The following ZFHX3 variants were observed in gnomAD, a reference collection of about 807,000 sequenced individuals.
The protein encoded by ZFHX3 is zinc finger homeobox protein 3.
In ZFHX3, 42 loss-of-function variants were observed where a neutral mutation model predicts 279.1. That is an observed-to-expected ratio of 0.15 (90% CI 0.12 to 0.19). ZFHX3 has a LOEUF of 0.19. ZFHX3 is among the 10% of genes least tolerant of loss of function. The probability of loss-of-function intolerance (pLI) is 1.00; values close to 1 mark genes in which losing one functional copy is unlikely to be tolerated. For synonymous variants in ZFHX3, 2,293 were observed against 1,957.8 expected (o/e 1.17, Z -4.52); for missense variants, 4,981 against 4,754.0 (o/e 1.05, Z -1.40).
chr16:73,889,514 G>T (rs2030458582), intron 1 of ZFHX3, among the ~76,000 whole-genome samples: 1 of 152,170 alleles, frequency 6.6e-6, no homozygotes, highest in African/African-American at 2.4e-5. Flanking sequence ...ACAGAGAATG[G>T]AAAAAGGCGA....
chr16:73,722,865 A>T (rs985198437), intron 1 of ZFHX3, among the ~76,000 whole-genome samples: 4 of 152,146 alleles, frequency 2.6e-5, no homozygotes, highest in African/African-American at 9.7e-5. Flanking sequence ...ATAGTAAGAG[A>T]GCTAGTCATT....
intron 1 of ZFHX3, among the ~76,000 whole-genome samples, chr16:73,783,832 C>T (rs1959551341): frequency 6.6e-6 from 1 of 152,150 alleles, no homozygotes; most frequent in Non-Finnish European, 1.5e-5. Context: ...GGTCATACAG[C>T]TAGTAAGAAG....
At chr16:72,885,914 C>A (rs1048012428) in intron 4 of ZFHX3, among the ~76,000 whole-genome samples, 3 of 152,148 alleles carry the variant, frequency 2.0e-5, no homozygotes, top group African/African-American at 7.2e-5. Flanking sequence ...CCTGATGCCA[C>A]AGGATGACAT....
At chr16:73,314,434 T>C (rs1484618424) in intron 4 of ZFHX3, among the ~76,000 whole-genome samples, 1 of 152,154 alleles carries the variant, frequency 6.6e-6, no homozygotes. Context: ...ACTATTATCC[T>C]CATTTTAATG....
intron 4 of ZFHX3, among the ~76,000 whole-genome samples, chr16:72,863,429 G>A (rs1306166065): frequency 1.3e-5 from 2 of 151,482 alleles, no homozygotes; most frequent in Non-Finnish European, 2.9e-5. Flanking sequence ...GAGGCAGGAG[G>A]ATGGCTTGAG....
chr16:72,983,115 T>C (rs1962681711), intron 1 of ZFHX3, among the ~76,000 whole-genome samples: 1 of 152,072 alleles, frequency 6.6e-6, no homozygotes, highest in Non-Finnish European at 1.5e-5. Flanking sequence ...GTTTCTTTAG[T>C]CCACTTTCTG....
In ZFHX3 at chr16:72,794,246, G is replaced by A; in HGVS notation, c.8436C>T (p.Asp2812=). The change falls in exon 9 of 10, where the codon GAC becomes GAT. Residue 2812 remains aspartate, a synonymous_variant. Coordinates refer to ENST00000268489, the MANE Select transcript of ZFHX3 (RefSeq NM_006885.4). This position sits in a 1 kb window ranked among gnomAD's most constrained non-coding sequence, Gnocchi z 4.2. ...CTGAGGACATGGAGGGGCTTTCAAA[G>A]TCTTCAATCCCTTCCACCTTAATGG... ...PSSIKVEGIE[D]FESPSMSSVN... is the part of the protein sequence containing the mutation. The A allele has an allele frequency of 6.2e-7, 1 of 1,614,184 alleles. No homozygotes were observed. The highest frequency in any genetic ancestry group is 8.5e-7 in the Non-Finnish European group (1 of 1,180,038).
intron 5 of ZFHX3, among the ~76,000 whole-genome samples, chr16:73,171,323 T>C (rs1967517444): frequency 6.6e-6 from 1 of 152,082 alleles, no homozygotes; most frequent in Non-Finnish European, 1.5e-5. Context: ...TGCCGAGGTA[T>C]CTTCAAGGAA....
intron 2 of ZFHX3, among the ~76,000 whole-genome samples, chr16:73,641,360 G>A (rs1443625005): frequency 1.3e-5 from 2 of 152,090 alleles, no homozygotes. Flanking sequence ...TCTTGGAGCA[G>A]ACCTAGAAAG....
chr16:73,592,489 T>C (rs920535893), intron 2 of ZFHX3, among the ~76,000 whole-genome samples: 1 of 152,076 alleles, frequency 6.6e-6, no homozygotes, highest in African/African-American at 2.4e-5. Context: ...CAAAATAAAG[T>C]ATAAAAAATA....
intron 2 of ZFHX3, among the ~76,000 whole-genome samples, chr16:73,626,828 G>T (rs1162225155): frequency 6.6e-6 from 1 of 152,050 alleles, no homozygotes; most frequent in Non-Finnish European, 1.5e-5. Flanking sequence ...CTATTGCTTT[G>T]CTTTGCTTTC....
intron 3 of ZFHX3, among the ~76,000 whole-genome samples, chr16:72,924,533 C>T (rs6499598): frequency 0.1 from 15,560 of 152,218 alleles, 1,062 homozygotes; most frequent in African/African-American, 0.19. Context: ...GGATGAGATG[C>T]TGCTTCCATG....
rs575493436 is a variant in ZFHX3 at position 72,794,920 on chromosome 16, G to A, written c.7762C>T (p.Leu2588=). 6.2e-7 allele frequency: 1 copy of A among 1,614,032 alleles called. No individual in the cohort carries two copies. The highest frequency in any genetic ancestry group is 8.5e-7 in the Non-Finnish European group (1 of 1,180,046). Residue 2588 remains leucine, a synonymous_variant, in exon 9 of 10, where the codon CTG becomes TTG. Transcript: ENST00000268489. This position sits in a 1 kb window ranked among gnomAD's most constrained non-coding sequence, Gnocchi z 4.2. The part of the protein sequence containing the change: ...DPSNPLLASQ[L]LSGAIPQIPA... ...ATCTGAGGTATGGCCCCAGAGAGCAGCTGGCTGGCCAGGAGTGGGTTACTG... is the reference window on the plus strand; with the variant it reads ...ATCTGAGGTATGGCCCCAGAGAGCAACTGGCTGGCCAGGAGTGGGTTACTG...
At chr16:73,283,023 C>T (rs779738496) in intron 4 of ZFHX3, among the ~76,000 whole-genome samples, 8 of 152,266 alleles carry the variant, frequency 5.3e-5, no homozygotes, top group Non-Finnish European at 7.4e-5. Context: ...AGAAGTCAAA[C>T]AACAAATAAA....
At chr16:73,529,471 A>G (rs1244171951) in intron 2 of ZFHX3, among the ~76,000 whole-genome samples, 1 of 152,170 alleles carries the variant, frequency 6.6e-6, no homozygotes, top group Non-Finnish European at 1.5e-5. Context: ...CCACCCAGGC[A>G]GGGAGGTTAC....
At chr16:73,398,413 C>T (rs940447135) in intron 3 of ZFHX3, among the ~76,000 whole-genome samples, 12 of 152,280 alleles carry the variant, frequency 7.9e-5, no homozygotes, top group African/African-American at 2.6e-4. Flanking sequence ...GGGAAGAGCC[C>T]GCACTGTTGG....
chr16:73,790,899 C>T (rs562334229), intron 1 of ZFHX3, among the ~76,000 whole-genome samples: 49 of 152,326 alleles, frequency 3.2e-4, no homozygotes, highest in African/African-American at 1.1e-3. Flanking sequence ...CAGAGTAGAG[C>T]GGCTTCCTGA....
intron 3 of ZFHX3, among the ~76,000 whole-genome samples, chr16:73,389,932 C>T (rs926923122): frequency 2.0e-5 from 3 of 152,202 alleles, no homozygotes; most frequent in South Asian, 2.1e-4. Context: ...TGGTGGCGCA[C>T]GCCTGTAGTC....
At chr16:73,299,940 G>A (rs1195903269) in intron 4 of ZFHX3, among the ~76,000 whole-genome samples, 2 of 152,102 alleles carry the variant, frequency 1.3e-5, no homozygotes, top group Admixed American at 1.3e-4. Context: ...AAATCTGAAT[G>A]ATTTGTGTTC....
Sources: gnomAD v4.1 joint callset for allele counts (sites outside exome capture counted in the v4.1 genomes callset) on GRCh38, gnomAD v4.1.1 for gene constraint, Gnocchi (gnomAD v3.1) non-coding constraint, MANE v1.5 for transcripts, NCBI Gene and HGNC (gene_info 2026-07-23, HGNC 2026-07-21) for gene names.